Variants in ADGRL2 observed in about 807,000 individuals in gnomAD.
ADGRL2 encodes calcium-independent alpha-latrotoxin receptor 2.
ADGRL2 carries 44 observed loss-of-function variants against 157.4 expected under a neutral mutation model. The observed-to-expected ratio is 0.28, with a 90% CI of 0.22 to 0.36. The LOEUF (loss-of-function observed/expected upper bound fraction) is 0.36. Among genes scored for constraint, ADGRL2 ranks in the 10% least tolerant of loss-of-function variants. ADGRL2 has a pLI of 1.00. For missense variants in ADGRL2, 1,510 were observed against 1,768.9 expected, an observed-to-expected ratio of 0.85 and a Z score of 2.63; for synonymous variants, 585 against 624.7, an observed-to-expected ratio of 0.94 and a Z score of 0.95.
chr1:81,880,897 T>C (rs284228), intron 2 of ADGRL2, among the ~76,000 whole-genome samples: 1,537 of 152,070 alleles, frequency 0.01, 30 homozygotes, highest in African/African-American at 0.035. Flanking sequence ...TATCTTTTTG[T>C]CCTTCCCTCT....
chr1:81,926,259 CACA>C (rs1189174066), intron 3 of ADGRL2, among the ~76,000 whole-genome samples: 1 of 151,906 alleles, frequency 6.6e-6, no homozygotes, highest in Non-Finnish European at 1.5e-5. Flanking sequence ...ATTCTCATAT[CACA>C]ACAAGACTAA....
intron 1 of ADGRL2, among the ~76,000 whole-genome samples, chr1:81,416,485 T>TATCTTCTC (rs1413993152): frequency 6.6e-6 from 1 of 152,206 alleles, no homozygotes; most frequent in Non-Finnish European, 1.5e-5. Context: ...ATTATCTGTT[T>TATCTTCTC]ATCTTCTCAT....
chr1:81,390,176 A>C (rs111752537), intron 1 of ADGRL2, among the ~76,000 whole-genome samples: 1 of 152,422 alleles, frequency 6.6e-6, no homozygotes, highest in African/African-American at 2.4e-5. Flanking sequence ...GCTTTTATCC[A>C]TTCTAATATT....
intron 3 of ADGRL2, among the ~76,000 whole-genome samples, chr1:81,594,442 G>C (rs1048089569): frequency 6.6e-6 from 1 of 152,144 alleles, no homozygotes; most frequent in Non-Finnish European, 1.5e-5. Context: ...TTGTCATTCT[G>C]CTCCATAAAT....
At chr1:81,556,158 C>G (rs894278212) in intron 2 of ADGRL2, among the ~76,000 whole-genome samples, 1 of 152,018 alleles carries the variant, frequency 6.6e-6, no homozygotes. Context: ...GCTCTGGAAG[C>G]ATTACAAATA....
intron 3 of ADGRL2, among the ~76,000 whole-genome samples, chr1:81,602,938 A>G (rs2081363019): frequency 6.6e-6 from 1 of 151,226 alleles, no homozygotes; most frequent in African/African-American, 2.4e-5. Context: ...TGCAGAAACT[A>G]GCAGCACGAG....
chr1:81,603,813 C>T lies in ADGRL2; in HGVS notation c.-143+22833C>T, dbSNP rs370865161. Among the ~76,000 whole-genome samples, 6 of 152,286 alleles carry T rather than the reference C, an allele frequency of 3.9e-5. No individual in the cohort carries two copies. The East Asian group carries it at 5.8e-4, about 15-fold the overall frequency. On this transcript the variant is annotated intron_variant, in intron 3 of 24. Coordinates refer to the ADGRL2 transcript ENST00000370721. ...AGGCGAGTCCTGTTCGTTGTCTTTT[C>T]TTAAATTGTATGGCTTATTTATTAG...
At chr1:81,580,045 G>A (rs888986648) in intron 2 of ADGRL2, among the ~76,000 whole-genome samples, 2 of 152,126 alleles carry the variant, frequency 1.3e-5, no homozygotes, top group Non-Finnish European at 2.9e-5. Flanking sequence ...TTTTCAAGTA[G>A]ATAAAAAGAG....
At chr1:81,307,464 ATATAAT>A (rs1659423960) in intron 1 of ADGRL2, among the ~76,000 whole-genome samples, 2 of 152,210 alleles carry the variant, frequency 1.3e-5, no homozygotes, top group Non-Finnish European at 2.9e-5. Flanking sequence ...ACTAGTACAA[ATATAAT>A]TAGAACATTC....
intron 3 of ADGRL2, among the ~76,000 whole-genome samples, chr1:81,686,758 G>A (rs2083235721): frequency 6.6e-6 from 1 of 152,064 alleles, no homozygotes; most frequent in East Asian, 1.9e-4. Flanking sequence ...CAGACTTCTT[G>A]ATATAGGCAT....
chr1:81,463,707 G>A (rs76024087), intron 2 of ADGRL2, among the ~76,000 whole-genome samples: 8,908 of 152,214 alleles, frequency 0.059, 445 homozygotes, highest in Non-Finnish European at 0.08. Context: ...AACCAGACTC[G>A]CAATAACCCC....
upstream of ADGRL2, among the ~76,000 whole-genome samples, chr1:81,696,683 C>T (rs556743684): frequency 3.3e-5 from 5 of 152,118 alleles, no homozygotes; most frequent in South Asian, 2.1e-4. Context: ...ACCCGGGAGG[C>T]GGAGCTTGCA....
intron 1 of ADGRL2, among the ~76,000 whole-genome samples, chr1:81,408,257 G>A (rs954365948): frequency 6.6e-6 from 1 of 152,014 alleles, no homozygotes; most frequent in Admixed American, 6.6e-5. Flanking sequence ...TTTTCATTTT[G>A]TGAAATTACA....
chr1:81,809,184 C>T (rs574540574), intron 1 of ADGRL2, among the ~76,000 whole-genome samples: 1 of 151,998 alleles, frequency 6.6e-6, no homozygotes, highest in African/African-American at 2.4e-5. Flanking sequence ...AGGGATTACA[C>T]CTTAATCTTT....
chr1:81,991,078 A>C lies in ADGRL2; in HGVS notation c.4343A>C (p.Asn1448Thr), dbSNP rs750830777. Residue 1448 changes from asparagine to threonine, a missense_variant, in exon 24 of 24, where the codon AAC becomes ACC. This residue lies in a region of ADGRL2 where 327 missense variants were observed against 310.1 expected (regional missense o/e 1.05). Coordinates refer to ENST00000686636, the MANE Select transcript of ADGRL2 (RefSeq NM_001366006.2). ...GNSDGYIIPI[N>T]KEGCIPEGDV... is the part of the protein sequence containing the mutation. ...AGTGATGGTTATATAATCCCCATTA[A>C]CAAAGAAGGGTGTATTCCAGAAGGA... 2.5e-6 allele frequency: 4 copies of C among 1,613,370 alleles called. No individual in the cohort carries two copies. The highest frequency in any genetic ancestry group is 3.4e-6 in the Non-Finnish European group (4 of 1,179,810).
intron 2 of ADGRL2, among the ~76,000 whole-genome samples, chr1:81,895,485 G>A (rs2094365367): frequency 1.5e-5 from 2 of 134,360 alleles, no homozygotes. Flanking sequence ...TACAACCTCC[G>A]CCACCTGGGT....
intron 1 of ADGRL2, among the ~76,000 whole-genome samples, chr1:81,438,908 T>C (rs1479475594): frequency 6.6e-6 from 1 of 152,188 alleles, no homozygotes; most frequent in Non-Finnish European, 1.5e-5. Flanking sequence ...AAGTTCCAGC[T>C]GCCTAAGGGC....
chr1:81,414,712 T>C (rs1341952898), intron 1 of ADGRL2, among the ~76,000 whole-genome samples: 1 of 152,242 alleles, frequency 6.6e-6, no homozygotes, highest in African/African-American at 2.4e-5. Flanking sequence ...TTTCTGGCAC[T>C]GTTTAACAGC....
chr1:81,742,671 T>C (rs1483543005), intron 1 of ADGRL2, among the ~76,000 whole-genome samples: 1 of 152,106 alleles, frequency 6.6e-6, no homozygotes, highest in African/African-American at 2.4e-5. Flanking sequence ...TTGTGATTGT[T>C]ATTATCATTC....
Sources: allele counts gnomAD v4.1 joint callset (sites outside exome capture counted in the v4.1 genomes callset), GRCh38; gene constraint gnomAD v4.1.1; regional missense constraint gnomAD v4.1.1; transcripts MANE v1.5; gene names NCBI Gene and HGNC (gene_info 2026-07-23, HGNC 2026-07-21).